GPC5: variants seen among roughly 807,000 people sequenced by gnomAD.
GPC5 encodes the protein glypican 5, also known as glypican-5.
GPC5 carries 47 observed loss-of-function variants against 53.9 expected under a neutral mutation model. The ratio of observed to expected loss-of-function variants is 0.87; its 90% CI spans 0.69 to 1.11. The LOEUF (loss-of-function observed/expected upper bound fraction) is 1.11, where lower values mean the gene tolerates loss of function less well. Among genes scored for constraint, GPC5 ranks in the 50% most tolerant of loss-of-function variants. GPC5 has a pLI of 0.00. For synonymous variants in GPC5, 286 were observed against 263.3 expected (o/e 1.09, Z -0.84); for missense variants, 748 against 713.1 (o/e 1.05, Z -0.56).
intron 1 of GPC5, among the ~76,000 whole-genome samples, chr13:91,415,334 TG>T (rs916204186): frequency 6.6e-6 from 1 of 152,172 alleles, no homozygotes; most frequent in African/African-American, 2.4e-5. Flanking sequence ...TCTAGACGCT[TG>T]TGGAGCAGGG....
intron 5 of GPC5, among the ~76,000 whole-genome samples, chr13:91,855,821 ATTATATATTG>A (rs2038961560): frequency 6.6e-6 from 1 of 151,482 alleles, no homozygotes; most frequent in Admixed American, 6.6e-5. Context: ...GTTTTTTATT[ATTATATATTG>A]AGGGAAATTG....
chr13:92,623,292 C>T (rs1223676908), intron 7 of GPC5, among the ~76,000 whole-genome samples: 1 of 152,164 alleles, frequency 6.6e-6, no homozygotes, highest in African/African-American at 2.4e-5. Flanking sequence ...GGCTCATCTG[C>T]TCCATGTGAG....
intron 2 of GPC5, among the ~76,000 whole-genome samples, chr13:91,456,849 C>A (rs1228382863): frequency 5.6e-5 from 7 of 125,464 alleles, no homozygotes; most frequent in Non-Finnish European, 8.3e-5. Flanking sequence ...TTTTTTTTTG[C>A]CAATGGTATC....
intron 6 of GPC5, among the ~76,000 whole-genome samples, chr13:92,098,268 TTC>T (rs1224846313): frequency 2.6e-5 from 4 of 152,206 alleles, no homozygotes; most frequent in African/African-American, 9.7e-5. Context: ...GTATTTGGTT[TTC>T]TGTTACTGCG....
intron 7 of GPC5, among the ~76,000 whole-genome samples, chr13:92,712,466 A>G (rs901400019): frequency 1.4e-3 from 3 of 2,152 alleles, no homozygotes; most frequent in Non-Finnish European, 6.2e-3. Context: ...CAAACAAACA[A>G]AAAAAAAACG....
chr13:91,641,700 C>T (rs1277160019), intron 2 of GPC5, among the ~76,000 whole-genome samples: 1 of 152,138 alleles, frequency 6.6e-6, no homozygotes, highest in Non-Finnish European at 1.5e-5. Context: ...CACTATTCAC[C>T]CAGTACATGG....
intron 6 of GPC5, among the ~76,000 whole-genome samples, chr13:92,042,682 A>G (rs571001334): frequency 1.6e-4 from 25 of 152,366 alleles, no homozygotes; most frequent in African/African-American, 5.5e-4. Flanking sequence ...AATTAAAACA[A>G]TTATGAGATA....
chr13:92,324,275 T>C (rs1165964022), intron 7 of GPC5, among the ~76,000 whole-genome samples: 1 of 152,008 alleles, frequency 6.6e-6, no homozygotes, highest in Non-Finnish European at 1.5e-5. Context: ...GTCATACTTG[T>C]GGAATGAATG....
At chr13:91,498,794 A>ACCC (rs913599407) in intron 2 of GPC5, among the ~76,000 whole-genome samples, 5 of 151,168 alleles carry the variant, frequency 3.3e-5, no homozygotes, top group Non-Finnish European at 5.9e-5. Flanking sequence ...ACATGGTGAA[A>ACCC]CCCCGTCTCT....
chr13:91,783,362 A>G (rs879821288), intron 5 of GPC5, among the ~76,000 whole-genome samples: 11 of 152,334 alleles, frequency 7.2e-5, no homozygotes, highest in African/African-American at 1.9e-4. Context: ...ACTGAGTCCA[A>G]TGAAGATACA....
At chr13:91,737,746 C>A (rs2036846039) in intron 4 of GPC5, among the ~76,000 whole-genome samples, 1 of 151,272 alleles carries the variant, frequency 6.6e-6, no homozygotes, top group Non-Finnish European at 1.5e-5. Flanking sequence ...GTCTTTGTGA[C>A]AGAGGAAGAA....
chr13:92,671,020 T>G (rs1224711655), intron 7 of GPC5, among the ~76,000 whole-genome samples: 1 of 152,272 alleles, frequency 6.6e-6, no homozygotes, highest in African/African-American at 2.4e-5. Flanking sequence ...AGCATAATAG[T>G]ACAGGGGTAG....
At chr13:91,958,430 G>C (rs1160155767) in intron 6 of GPC5, among the ~76,000 whole-genome samples, 1 of 152,022 alleles carries the variant, frequency 6.6e-6, no homozygotes, top group Non-Finnish European at 1.5e-5. Flanking sequence ...TACAATAATA[G>C]TTGGGGACTT....
chr13:92,516,463 A>G (rs1246599592), intron 7 of GPC5, among the ~76,000 whole-genome samples: 3 of 152,226 alleles, frequency 2.0e-5, no homozygotes, highest in East Asian at 1.9e-4. Flanking sequence ...CAAAATGGCT[A>G]AAATGAATTC....
chr13:92,615,364 C>A (rs1785503461), intron 7 of GPC5, among the ~76,000 whole-genome samples: 1 of 152,178 alleles, frequency 6.6e-6, no homozygotes, highest in African/African-American at 2.4e-5. Context: ...AAAAGAGAAG[C>A]TTGCGTTTCC....
intron 6 of GPC5, among the ~76,000 whole-genome samples, chr13:92,110,004 A>C (rs2041544244): frequency 6.6e-6 from 1 of 152,208 alleles, no homozygotes; most frequent in Non-Finnish European, 1.5e-5. Context: ...TATCCAGTAG[A>C]AAAAATAAAA....
chr13:92,459,011 A>G (rs1188067646), intron 7 of GPC5, among the ~76,000 whole-genome samples: 1 of 152,104 alleles, frequency 6.6e-6, no homozygotes, highest in Non-Finnish European at 1.5e-5. Context: ...TGTATAGTTT[A>G]ATGTTCAGAT....
intron 7 of GPC5, among the ~76,000 whole-genome samples, chr13:92,816,687 G>A (rs770234715): frequency 6.6e-5 from 10 of 151,944 alleles, no homozygotes; most frequent in Non-Finnish European, 1.3e-4. Context: ...AGTATATATT[G>A]GGAGTTCCAG....
chr13:92,465,639 G>A (rs966756488), intron 7 of GPC5, among the ~76,000 whole-genome samples: 3 of 151,944 alleles, frequency 2.0e-5, no homozygotes, highest in Non-Finnish European at 1.5e-5. Flanking sequence ...CACATGGATT[G>A]AATCACTAAG....
Sources: gnomAD v4.1 joint callset for allele counts (sites outside exome capture counted in the v4.1 genomes callset) on GRCh38, gnomAD v4.1.1 for gene constraint, MANE v1.5 for transcripts, NCBI Gene and HGNC (gene_info 2026-07-23, HGNC 2026-07-21) for gene names.